ALDH8A1: variants seen among roughly 807,000 people sequenced by gnomAD.
ALDH8A1 encodes aldehyde dehydrogenase 8 family member A1, also known as 2-aminomuconic semialdehyde dehydrogenase.
Under a neutral mutation model 43.3 loss-of-function variants are expected in ALDH8A1, and 39 were observed. The ratio of observed to expected loss-of-function variants is 0.90; its 90% CI spans 0.70 to 1.18. The LOEUF is 1.18. Ranked by LOEUF, ALDH8A1 falls within the 50% of genes most tolerant of loss-of-function variation. The probability of loss-of-function intolerance (pLI) is 0.00; values close to 1 mark genes in which losing one functional copy is unlikely to be tolerated. For missense variants in ALDH8A1, 605 were observed against 622.6 expected (o/e 0.97, Z 0.30); for synonymous variants, 233 against 243.5 (o/e 0.96, Z 0.40).
intron 5 of ALDH8A1, among the ~76,000 whole-genome samples, chr6:134,929,763 G>A (rs1177548217): frequency 5.9e-5 from 9 of 152,162 alleles, no homozygotes; most frequent in Middle Eastern, 3.2e-3. Flanking sequence ...AGGCTCTATC[G>A]TGCAGTCTCA....
At chr6:134,935,825 T>A (rs1246051694) in intron 4 of ALDH8A1, among the ~76,000 whole-genome samples, 2 of 152,130 alleles carry the variant, frequency 1.3e-5, no homozygotes, top group African/African-American at 2.4e-5. Flanking sequence ...TCCAGAACAT[T>A]CTCCCATACA....
chr6:134,920,371 T>G (rs560648829), intron 6 of ALDH8A1, among the ~76,000 whole-genome samples: 1 of 152,292 alleles, frequency 6.6e-6, no homozygotes, highest in Non-Finnish European at 1.5e-5. Context: ...ACCCTCTTTC[T>G]TTTTTTGAAA....
intron 1 of ALDH8A1, among the ~76,000 whole-genome samples, chr6:134,945,305 T>C (rs1284288243): frequency 6.6e-6 from 1 of 152,176 alleles, no homozygotes; most frequent in Non-Finnish European, 1.5e-5. Context: ...ACCCAGATTT[T>C]GGTGGTTCCC....
chr6:134,932,779 G>A lies in ALDH8A1; in HGVS notation c.846C>T (p.Asn282=). ...AGAAGAACCCCCGGGGACATACCTG[G>A]TTGGCAAAGCTGGACCTGACGGTTG... ...IPATVRSSFA[N]QGEICLCTSR... Residue 282 remains asparagine (N), a synonymous_variant, in exon 5 of 7, where the codon AAC becomes AAT. Coordinates refer to ENST00000265605, the MANE Select transcript of ALDH8A1 (RefSeq NM_022568.4). The A allele has an allele frequency of 6.2e-7, 1 of 1,614,048 alleles. No individual in the cohort carries two copies. The highest frequency in any genetic ancestry group is 8.5e-7 in the Non-Finnish European group (1 of 1,179,942).
intron 4 of ALDH8A1, among the ~76,000 whole-genome samples, chr6:134,933,791 C>T (rs1773672954): frequency 6.6e-6 from 1 of 152,178 alleles, no homozygotes; most frequent in Non-Finnish European, 1.5e-5. Flanking sequence ...TCACTGCAAC[C>T]TCTGCCTCCC....
rs375418481 is a variant in ALDH8A1 at position 134,943,879 on chromosome 6, C to G, written c.226G>C (p.Val76Leu). 16 of 1,614,110 alleles carry G rather than the reference C, an allele frequency of 9.9e-6. No individual in the cohort carries two copies. In the African/African-American group the frequency reaches 1.3e-4, roughly 13 times the overall value. The change falls in exon 2 of 7, where the codon GTG becomes CTG. Residue 76 changes from valine (V) to leucine (L), a missense_variant. Physicochemically the swap from Val to Leu is conservative, Grantham distance 32. Transcript: ENST00000265605. The part of the protein sequence containing the change: ...PQERSRVLNQ[V>L]ADLLEQSLEE... ...AGGGACTGCTCCAGCAAATCCGCCA[C>G]CTGGTTCAGGACCCGTGAGCGCTCC...
In ALDH8A1 at chr6:134,950,071, C is replaced by A. The variant is rs145872098; in HGVS notation, c.-18G>T. On this transcript the variant is annotated 5_prime_UTR_variant, in exon 1 of 7. Transcript: ENST00000265605. ...CCAGCCATAGCAAGGAAAAATTCTG[C>A]CTTTCCTCTTTACGACTGAGCACTC... The A allele has an allele frequency of 3.2e-5, 52 of 1,603,606 alleles. No homozygotes were observed. In the African/African-American group the frequency reaches 6.4e-4, roughly 20 times the overall value.
At chr6:134,932,694 C>A (rs1777004438) in intron 5 of ALDH8A1, 82 bp downstream of exon 5, 2 of 1,548,010 alleles carry the variant, frequency 1.3e-6, no homozygotes, top group Admixed American at 3.7e-5. Flanking sequence ...GACTGGCTTG[C>A]TCCCAGGCAT....
At chr6:134,948,266 T>C (rs1404532279) in intron 1 of ALDH8A1, among the ~76,000 whole-genome samples, 3 of 152,008 alleles carry the variant, frequency 2.0e-5, no homozygotes, top group African/African-American at 7.2e-5. Flanking sequence ...GAGGAGAGGA[T>C]AGAGGTTGGC....
intron 5 of ALDH8A1, among the ~76,000 whole-genome samples, chr6:134,930,589 C>T (rs1776968749): frequency 6.6e-6 from 1 of 152,206 alleles, no homozygotes; most frequent in Non-Finnish European, 1.5e-5. Context: ...CCAGATTAAA[C>T]TGTTAATGTT....
chr6:134,921,279 T>C (rs1275207249), intron 6 of ALDH8A1, among the ~76,000 whole-genome samples: 1 of 152,204 alleles, frequency 6.6e-6, no homozygotes, highest in Admixed American at 6.5e-5. Flanking sequence ...ACCCATCAGC[T>C]TCTTCTGTGC....
In ALDH8A1 at chr6:134,918,851, T is replaced by C. The variant is rs1260223519; in HGVS notation, c.1028A>G (p.Lys343Arg). ...AHLEKVRSYVKRALAEGAQIW... is the reference protein window; with the variant it reads ...AHLEKVRSYVRRALAEGAQIW... ...TTGGGCACCTTCAGCAAGAGCTCTC[T>C]TGACGTAACTTCTGACCTGCGTGGG... The change falls in exon 7 of 7, where the codon AAG (lysine) becomes AGG (arginine). Residue 343 changes from lysine (K) to arginine (R), a missense_variant. Coordinates refer to ENST00000265605, the MANE Select transcript of ALDH8A1 (RefSeq NM_022568.4). The C allele has an allele frequency of 5.0e-6, 8 of 1,613,798 alleles. No homozygotes were observed. In the African/African-American group the frequency reaches 6.7e-5, roughly 13 times the overall value.
In ALDH8A1 at chr6:134,918,183, C is replaced by T; in HGVS notation, c.*232G>A. On this transcript the variant is annotated 3_prime_UTR_variant, in exon 7 of 7. Transcript: ENST00000265605. ...AACCTGGGAGGAGCCTGACAACTGG[C>T]ATCATTGTTCTATCTTCCTACTTAT... 1.9e-6 allele frequency: 1 copy of T among 521,376 alleles called. No homozygotes were observed. Among genetic ancestry groups the T allele is most frequent in the Non-Finnish European group, 3.4e-6 (1 of 296,792 alleles). 32.3% of individuals were successfully genotyped at this position (521,376 alleles called of 1,614,324 possible).
At chr6:134,947,989 T>C (rs916703383) in intron 1 of ALDH8A1, among the ~76,000 whole-genome samples, 140 of 152,186 alleles carry the variant, frequency 9.2e-4, no homozygotes, top group African/African-American at 3.2e-3. Context: ...AGTCAAGATA[T>C]GGACTCAACC....
At chr6:134,944,105 T>C (rs1395780840) in intron 1 of ALDH8A1, 139 bp from the exon 2 acceptor site, 4 of 1,217,030 alleles carry the variant, frequency 3.3e-6, no homozygotes, top group Non-Finnish European at 4.4e-6. Flanking sequence ...TCTCACTCTG[T>C]AGCCCAGCCT....
chr6:134,942,380 G>T, intron 3 of ALDH8A1, 29 bp downstream of exon 3: 1 of 1,558,542 alleles, frequency 6.4e-7, no homozygotes, highest in Non-Finnish European at 8.7e-7. Context: ...GCATAACCGG[G>T]AGGTGGGCTC....
chr6:134,929,588 G>A (rs1308823349), intron 5 of ALDH8A1, among the ~76,000 whole-genome samples: 2 of 152,100 alleles, frequency 1.3e-5, no homozygotes, highest in African/African-American at 4.8e-5. Flanking sequence ...GCATGAGACG[G>A]GAAAAGATCT....
At chr6:134,921,161 G>T (rs1776793190) in intron 6 of ALDH8A1, among the ~76,000 whole-genome samples, 2 of 152,198 alleles carry the variant, frequency 1.3e-5, no homozygotes, top group Non-Finnish European at 2.9e-5. Context: ...AGAGACCTCA[G>T]AGATGCCCCT....
intron 6 of ALDH8A1, among the ~76,000 whole-genome samples, chr6:134,923,199 T>C (rs952429750): frequency 6.6e-6 from 1 of 152,054 alleles, no homozygotes; most frequent in Non-Finnish European, 1.5e-5. Context: ...GCTAAATTTT[T>C]TTGTATAATT....
Sources: gnomAD v4.1 joint callset for allele counts (sites outside exome capture counted in the v4.1 genomes callset) on GRCh38, gnomAD v4.1.1 for gene constraint, MANE v1.5 for transcripts, NCBI Gene and HGNC (gene_info 2026-07-23, HGNC 2026-07-21) for gene names.